KIF7: variants seen among roughly 807,000 people sequenced by gnomAD.
KIF7 encodes the protein kinesin-like protein KIF7.
In KIF7, 104 loss-of-function variants were observed where a neutral mutation model predicts 135.7. That is an observed-to-expected ratio of 0.77 (90% CI 0.65 to 0.90). The LOEUF (loss-of-function observed/expected upper bound fraction) is 0.90, where lower values mean the gene tolerates loss of function less well. Among genes scored for constraint, KIF7 ranks in the 40% least tolerant of loss-of-function variants. The pLI is 0.00. For missense variants in KIF7, 2,005 were observed against 1,839.1 expected, an observed-to-expected ratio of 1.09 and a Z score of -1.65; for synonymous variants, 883 against 809.4, an observed-to-expected ratio of 1.09 and a Z score of -1.54.
At position 89,629,126 on chromosome 15, in the gene KIF7, G is replaced by C. The variant is rs1226183855; in HGVS notation, c.3518-4C>G. ...GCTAACCCTTCACCGAGGTGGTCTAGAGTGGAAAGGTCGAGGAGAGGGTGG... is the reference window on the plus strand; with the variant it reads ...GCTAACCCTTCACCGAGGTGGTCTACAGTGGAAAGGTCGAGGAGAGGGTGG... On this transcript the variant is annotated splice_region_variant and splice_polypyrimidine_tract_variant and intron_variant, in intron 17 of 18. Coordinates refer to ENST00000394412, the MANE Select transcript of KIF7 (RefSeq NM_198525.3). The C allele has an allele frequency of 5.0e-6, 8 of 1,610,724 alleles. No individual in the cohort carries two copies. In the Admixed American group the frequency reaches 1.2e-4, roughly 24 times the overall value.
intron 1 of KIF7, among the ~76,000 whole-genome samples, 171 bp from the exon 2 acceptor site, chr15:89,653,125 G>C (rs750509269): frequency 6.6e-6 from 1 of 152,174 alleles, no homozygotes; most frequent in Non-Finnish European, 1.5e-5. Flanking sequence ...AAAATTGCAA[G>C]GGCCATGATA....
chr15:89,618,729 G>T (rs1372774007), intron 1 of KIF7, among the ~76,000 whole-genome samples: 7 of 152,248 alleles, frequency 4.6e-5, no homozygotes, highest in Admixed American at 4.6e-4. Flanking sequence ...GGGAAGCCAA[G>T]TGGGGAGGAT....
chr15:89,621,384 G>C, intron 1 of KIF7: 1 of 1,588,556 alleles, frequency 6.3e-7, no homozygotes. Flanking sequence ...TGCTGTTTTT[G>C]ACTTGCAGAC....
rs753466002 is a variant in KIF7, at chr15:89,630,517, G to GGA, written c.3112-26_3112-25dup. ...TCCTGCAGAGACGGGCACGCGTGGA[G>GGA]GAACAGCACCCACTGCCTGAATGCT... On this transcript the variant is annotated intron_variant, in intron 15 of 18. Transcript: ENST00000394412. 15 of 1,531,194 alleles carry GGA rather than the reference G, an allele frequency of 9.8e-6. No homozygotes were observed. In the South Asian group the frequency reaches 1.8e-4, roughly 18 times the overall value. The allele number at this position is 1,531,194 out of a possible 1,614,324, so 94.9% of individuals were successfully genotyped here. A position where few individuals can be genotyped will look rare whatever the true frequency, so the allele number is the denominator to read the frequency against.
the KIF7 span, among the ~76,000 whole-genome samples, chr15:89,661,824 C>T: frequency 2.0e-5 from 3 of 151,868 alleles, no homozygotes; most frequent in South Asian, 2.1e-4. Flanking sequence ...TGGTTTCAAG[C>T]GATTCTCCTG....
chr15:89,647,521 C>T (rs1416363672), intron 6 of KIF7, 75 bp downstream of exon 6: 5 of 1,334,158 alleles, frequency 3.7e-6, no homozygotes, highest in Non-Finnish European at 5.3e-6. Flanking sequence ...CCCTCCCATC[C>T]TGAGAAACTC....
Position 89,652,807 on chromosome 15 carries a change from G to T in KIF7, c.124C>A (p.Pro42Thr), listed in dbSNP as rs769021701. Residue 42 changes from proline to threonine, a missense_variant, in exon 2 of 19, where the codon CCA becomes ACA. Physicochemically the swap from Pro to Thr is conservative, Grantham distance 38. Coordinates refer to ENST00000394412, the MANE Select transcript of KIF7 (RefSeq NM_198525.3). Reference sequence around the variant, plus strand: ...CCCAGAGTGACGCGGCCAAGCCCTGGCTCCACCTGCAGGCAGCTCTGATGC... The same window carrying T: ...CCCAGAGTGACGCGGCCAAGCCCTGTCTCCACCTGCAGGCAGCTCTGATGC... ...HGHQSCLQVE[P>T]GLGRVTLGRD... 1 of 1,551,080 alleles carries T rather than the reference G, an allele frequency of 6.4e-7. No individual in the cohort carries two copies. The highest frequency in any genetic ancestry group is 2.4e-5 in the East Asian group (1 of 40,918).
At chr15:89,653,858 G>A (rs1964164467) in intron 1 of KIF7, among the ~76,000 whole-genome samples, 2 of 151,874 alleles carry the variant, frequency 1.3e-5, no homozygotes, top group African/African-American at 2.4e-5. Context: ...TCCTTCCAAA[G>A]TGCAGTGACT....
In KIF7 at chr15:89,648,942, C is replaced by A; in HGVS notation, c.923+32G>T. The A allele has an allele frequency of 2.0e-6, 3 of 1,507,682 alleles. No homozygotes were observed. In the South Asian group the frequency reaches 3.8e-5, roughly 19 times the overall value. The allele number at this position is 1,507,682 out of a possible 1,614,324, so 93.4% of individuals were successfully genotyped here. A position where few individuals can be genotyped will look rare whatever the true frequency, so the allele number is the denominator to read the frequency against. Reference sequence around the variant, plus strand: ...TGGACACTCCCCGCCTCCCCGGCCCCCAGGCCACATAGGAGCCAGGGGGCA... The same window carrying A: ...TGGACACTCCCCGCCTCCCCGGCCCACAGGCCACATAGGAGCCAGGGGGCA... On this transcript the variant is annotated intron_variant, in intron 4 of 18. Coordinates refer to ENST00000394412, the MANE Select transcript of KIF7 (RefSeq NM_198525.3).
chr15:89,623,654 G>A (rs370324089), downstream of KIF7: 36 of 1,609,992 alleles, frequency 2.2e-5, no homozygotes, highest in Non-Finnish European at 3.0e-5. Context: ...AAATCTCTGA[G>A]CTTTTCTAAA....
At chr15:89,662,294 C>T in the KIF7 span, among the ~76,000 whole-genome samples, 1 of 151,984 alleles carries the variant, frequency 6.6e-6, no homozygotes, top group African/African-American at 2.4e-5. Flanking sequence ...GTCAGGAGTT[C>T]GAGACCAGCC....
chr15:89,633,642 C>T (rs1016154675), intron 12 of KIF7, 44 bp downstream of exon 12: 2 of 1,593,396 alleles, frequency 1.3e-6, no homozygotes, highest in Admixed American at 3.4e-5. Context: ...CCAGCTCAGC[C>T]TATTGGCCTG....
chr15:89,625,383 G>T (rs778894143), downstream of KIF7: 1 of 1,613,950 alleles, frequency 6.2e-7, no homozygotes, highest in Non-Finnish European at 8.5e-7. Flanking sequence ...GGAAGAGGGC[G>T]GTGGGCTGTG....
intron 1 of KIF7, among the ~76,000 whole-genome samples, chr15:89,620,584 T>C (rs527530340): frequency 3.8e-4 from 58 of 152,330 alleles, no homozygotes; most frequent in African/African-American, 1.4e-3. Flanking sequence ...GGGGTTAATA[T>C]GCCGTCTTAC....
At chr15:89,647,142 A>T (rs774790737) in intron 6 of KIF7, 85 bp from the exon 7 acceptor site, 23 of 1,166,238 alleles carry the variant, frequency 2.0e-5, no homozygotes, top group Non-Finnish European at 2.8e-5. Flanking sequence ...GTCTGAGGCC[A>T]CTCCACCGTC....
Position 89,649,924 on chromosome 15 carries a change from C to T in KIF7, c.346G>A (p.Glu116Lys). The T allele has an allele frequency of 6.4e-7, 1 of 1,551,422 alleles. No homozygotes were observed. Among genetic ancestry groups the T allele is most frequent in the Non-Finnish European group, 8.7e-7 (1 of 1,146,974 alleles). ...ATGGCCCTCGGGACAATGCCCTGCT[C>T]ATCCTCAAGGAGGGAGGCTGGGGAG... ...EASVASLLED[E>K]QGIVPRAMAE... Residue 116 changes from glutamate (E) to lysine (K), a missense_variant, in exon 3 of 19, where the codon GAG (glutamate) becomes AAG (lysine). Glu to Lys is a moderately conservative substitution (Grantham distance 56, BLOSUM62 1). Transcript: ENST00000394412.
upstream of KIF7, among the ~76,000 whole-genome samples, chr15:89,660,023 C>T (rs1260012956): frequency 6.6e-6 from 1 of 152,110 alleles, no homozygotes; most frequent in Non-Finnish European, 1.5e-5. Context: ...ATGCTGAAAA[C>T]CCATCTCTAC....
chr15:89,629,409 C>T lies in KIF7; in HGVS notation c.3483G>A (p.Glu1161=). 1 of 1,605,516 alleles carries T rather than the reference C, an allele frequency of 6.2e-7. No individual in the cohort carries two copies. Among genetic ancestry groups the T allele is most frequent in the Non-Finnish European group, 8.5e-7 (1 of 1,179,454 alleles). Residue 1161 remains glutamate, a synonymous_variant, in exon 17 of 19, where the codon GAG becomes GAA. Coordinates refer to ENST00000394412, the MANE Select transcript of KIF7 (RefSeq NM_198525.3). ...RQLTLQQKEH[E]QNMQLLLQQS... ...GCTGCAGGAGCAGCTGCATGTTCTGCTCGTGCTCCTTCTGCTGCAGGGTCA... is the reference window on the plus strand; with the variant it reads ...GCTGCAGGAGCAGCTGCATGTTCTGTTCGTGCTCCTTCTGCTGCAGGGTCA...
intron 11 of KIF7, 92 bp downstream of exon 11, chr15:89,642,111 G>A: frequency 7.6e-7 from 1 of 1,322,530 alleles, no homozygotes; most frequent in Non-Finnish European, 1.1e-6. Context: ...CAGTGAACTT[G>A]GGCCTCAGAG....
Sources: allele counts gnomAD v4.1 joint callset (sites outside exome capture counted in the v4.1 genomes callset), GRCh38; gene constraint gnomAD v4.1.1; transcripts MANE v1.5; gene names NCBI Gene and HGNC (gene_info 2026-07-23, HGNC 2026-07-21).